The following FOXK1 variants were observed in gnomAD, a reference collection of about 807,000 sequenced individuals.
The protein encoded by FOXK1 is forkhead box K1.
Under a neutral mutation model 51.9 loss-of-function variants are expected in FOXK1, and 19 were observed. That is an observed-to-expected ratio of 0.37 (90% confidence interval 0.26 to 0.54). FOXK1 has a LOEUF of 0.54. FOXK1 is among the 20% of genes least tolerant of loss of function. FOXK1 has a pLI of 0.87. For synonymous variants in FOXK1, 537 were observed against 482.6 expected, an observed-to-expected ratio of 1.11 and a Z score of -1.48; for missense variants, 870 against 1,032.7, an observed-to-expected ratio of 0.84 and a Z score of 2.16.
At chr7:4,700,498 G>C (rs1376561832) in intron 1 of FOXK1, among the ~76,000 whole-genome samples, 1 of 152,172 alleles carries the variant, frequency 6.6e-6, no homozygotes, top group African/African-American at 2.4e-5. Context: ...AATTACTAGA[G>C]ATACATTAGA....
At chr7:4,727,905 G>A (rs1458856156) in intron 1 of FOXK1, among the ~76,000 whole-genome samples, 6 of 152,224 alleles carry the variant, frequency 3.9e-5, no homozygotes, top group South Asian at 2.1e-4. Context: ...CCCGTCCTTC[G>A]GGAGGGGAGG....
intron 2 of FOXK1, among the ~76,000 whole-genome samples, chr7:4,741,550 C>T (rs978978480): frequency 1.3e-5 from 2 of 152,132 alleles, no homozygotes; most frequent in Admixed American, 6.5e-5. Context: ...ATGCTGGTCT[C>T]GAACTCCCAA....
chr7:4,709,266 A>T lies in FOXK1; in HGVS notation c.560+26398A>T, dbSNP rs976219984. 6.6e-6 allele frequency among the ~76,000 whole-genome samples: 1 copy of T among 151,774 alleles called. No individual in the cohort carries two copies. Among genetic ancestry groups the T allele is most frequent in the Non-Finnish European group, 1.5e-5 (1 of 67,936 alleles). On this transcript the variant is annotated intron_variant, in intron 1 of 8. Coordinates refer to ENST00000328914, the MANE Select transcript of FOXK1 (RefSeq NM_001037165.2). The surrounding 1 kb of genome is among the most constrained non-coding windows in gnomAD (Gnocchi z 5.6). Reference sequence around the variant, plus strand: ...CCTGTCATCCCGAGAATCCCACTGCATGTTTTGGATCTGTCCGGGATCCCT... The same window carrying T: ...CCTGTCATCCCGAGAATCCCACTGCTTGTTTTGGATCTGTCCGGGATCCCT...
In FOXK1 at chr7:4,765,192, T is replaced by C. The variant is rs1246300030; in HGVS notation, c.*2728T>C. On this transcript the variant is annotated 3_prime_UTR_variant, in exon 9 of 9. Transcript: ENST00000328914. ...CTGCTCTGGGCTCATAACCATGAGATTTTGAAAGAGTTTTTGGTCATCTGA... is the reference window on the plus strand; with the variant it reads ...CTGCTCTGGGCTCATAACCATGAGACTTTGAAAGAGTTTTTGGTCATCTGA... 1.3e-5 allele frequency: 2 copies of C among 152,306 alleles called. No individual in the cohort carries two copies. The highest frequency in any genetic ancestry group is 2.9e-5 in the Non-Finnish European group (2 of 68,128). 9.4% of individuals were successfully genotyped at this position (152,306 alleles called of 1,614,324 possible).
chr7:4,712,885 T>C (rs1159742434), intron 1 of FOXK1, among the ~76,000 whole-genome samples: 1 of 152,210 alleles, frequency 6.6e-6, no homozygotes, highest in Non-Finnish European at 1.5e-5. Context: ...GTTCTGTTTA[T>C]TTCCAGTTGA....
chr7:4,738,949 G>GGGAAGAAGAC lies in FOXK1; in HGVS notation c.561-1887_561-1878dup, dbSNP rs199667722. 9.2e-3 allele frequency among the ~76,000 whole-genome samples: 1,398 copies of GGGAAGAAGAC among 152,256 alleles called. 26 individuals carry two copies. Among genetic ancestry groups the GGGAAGAAGAC allele is most frequent in the African/African-American group, 0.029 (1,196 of 41,550 alleles). The stretch of plus-strand genomic sequence containing the variant: ...GTCACTTCCTTTGAAGCGGGTCCCT[G>GGGAAGAAGAC]GGAAGAAGACGCAAGAGGACCCCCT... On this transcript the variant is annotated intron_variant, in intron 1 of 8. Transcript: ENST00000328914.
rs1032293601 is a variant in FOXK1, at chr7:4,759,094, C to T, written c.1288C>T (p.Arg430Cys). Reference protein sequence around the residue: ...SPTHPGLMSPRSGGLQTPECL... With the variant: ...SPTHPGLMSPCSGGLQTPECL... ...CACACACCCCGGGCTGATGTCCCCT[C>T]GCTCCGGCGGCCTGCAGACCCCAGA... Residue 430 changes from arginine (R) to cysteine (C), a missense_variant, in exon 6 of 9, where the codon CGC becomes TGC. Around this residue, in one of 3 missense-constraint regions of FOXK1, gnomAD observed 457 missense variants for 510.8 expected, o/e 0.89. Coordinates refer to ENST00000328914, the MANE Select transcript of FOXK1 (RefSeq NM_001037165.2). The T allele has an allele frequency of 6.2e-7, 1 of 1,610,634 alleles. No individual in the cohort carries two copies.
chr7:4,768,301 T>G lies in FOXK1; in HGVS notation c.*5837T>G, dbSNP rs1372374082. ...GCGCCCGCTACCACGCCCGGCTAAT[T>G]TTTTGTATTTTTAGTAGAGACGGGG... On this transcript the variant is annotated 3_prime_UTR_variant, in exon 9 of 9. Transcript: ENST00000328914. 3 of 146,380 alleles carry G rather than the reference T, an allele frequency of 2.0e-5. No homozygotes were observed. Among genetic ancestry groups the G allele is most frequent in the Admixed American group, 6.7e-5 (1 of 14,992 alleles). 9.1% of individuals were successfully genotyped at this position (146,380 alleles called of 1,614,324 possible).
rs1054470143 is a variant in FOXK1, at chr7:4,703,425, C to T, written c.560+20557C>T. Among the ~76,000 whole-genome samples the T allele has an allele frequency of 1.3e-5, 2 of 152,174 alleles. No individual in the cohort carries two copies. Among genetic ancestry groups the T allele is most frequent in the African/African-American group, 2.4e-5 (1 of 41,438 alleles). On this transcript the variant is annotated intron_variant, in intron 1 of 8. Transcript: ENST00000328914. The surrounding 1 kb of genome is among the most constrained non-coding windows in gnomAD (Gnocchi z 5.6). Reference sequence around the variant, plus strand: ...GGCCCCAAGACATGCGGAGAACCCGCGTCTGCAGGGCTGGTGGCGTCCAGC... The same window carrying T: ...GGCCCCAAGACATGCGGAGAACCCGTGTCTGCAGGGCTGGTGGCGTCCAGC...
rs1470903378 is a variant in FOXK1 at position 4,749,368 on chromosome 7, G to T, written c.747-5091G>T. ...CACAGATGTGCCTTGGCCGGCTGTT[G>T]TGTTTAACAGTGAGGTCCTAAAAAC... is the stretch of plus-strand genomic sequence containing the variant. On this transcript the variant is annotated intron_variant, in intron 2 of 8. Coordinates refer to ENST00000328914, the MANE Select transcript of FOXK1 (RefSeq NM_001037165.2). The surrounding 1 kb of genome is among the most constrained non-coding windows in gnomAD (Gnocchi z 6.0). Among the ~76,000 whole-genome samples the T allele has an allele frequency of 6.6e-6, 1 of 152,186 alleles. No homozygotes were observed. The highest frequency in any genetic ancestry group is 6.5e-5 in the Admixed American group (1 of 15,284).
chr7:4,682,301 G>T lies in FOXK1; in HGVS notation c.-8G>T. On this transcript the variant is annotated 5_prime_UTR_variant, in exon 1 of 9. Transcript: ENST00000328914. This position sits in a 1 kb window ranked among gnomAD's most constrained non-coding sequence, Gnocchi z 7.6. ...CCGCCGCCGGAGGCCGCTCGGAGCC[G>T]CGCGAACATGGCCGAAGTCGGCGAG... 2.0e-6 allele frequency: 2 copies of T among 987,364 alleles called. No individual in the cohort carries two copies. The highest frequency in any genetic ancestry group is 9.0e-5 in the South Asian group (2 of 22,346). The allele number at this position is 987,364 out of a possible 1,614,324, so 61.2% of individuals were successfully genotyped here. A position where few individuals can be genotyped will look rare whatever the true frequency, so the allele number is the denominator to read the frequency against.
In FOXK1 at chr7:4,745,191, G is replaced by A. The variant is rs1421370199; in HGVS notation, c.746+4168G>A. The stretch of plus-strand genomic sequence containing the variant: ...TGCAAGGCTGTCCCCTCCCAGTGCC[G>A]CCCCGCCCCCGCGGTGCCTGCCTTC... On this transcript the variant is annotated intron_variant, in intron 2 of 8. Transcript: ENST00000328914. This position sits in a 1 kb window ranked among gnomAD's most constrained non-coding sequence, Gnocchi z 4.3. 2.0e-5 allele frequency among the ~76,000 whole-genome samples: 3 copies of A among 152,158 alleles called. No individual in the cohort carries two copies. Among genetic ancestry groups the A allele is most frequent in the Non-Finnish European group, 4.4e-5 (3 of 68,026 alleles).
chr7:4,710,718 G>T (rs568306032), intron 1 of FOXK1, among the ~76,000 whole-genome samples: 5 of 152,264 alleles, frequency 3.3e-5, no homozygotes, highest in African/African-American at 1.2e-4. Context: ...CACATTCAGG[G>T]CGAGGGTGCG....
rs1781034507 is a variant in FOXK1 at position 4,767,682 on chromosome 7, C to T, written c.*5218C>T. The T allele has an allele frequency of 6.6e-6, 1 of 152,146 alleles. No homozygotes were observed. Among genetic ancestry groups the T allele is most frequent in the Non-Finnish European group, 1.5e-5 (1 of 68,050 alleles). The allele number at this position is 152,146 out of a possible 1,614,324, so 9.4% of individuals were successfully genotyped here. A position where few individuals can be genotyped will look rare whatever the true frequency, so the allele number is the denominator to read the frequency against. The stretch of plus-strand genomic sequence containing the variant: ...TTATTTTTAGATTGTTTTCCTGCAT[C>T]TTACAATTTCCTTTTCTTTTCAAAG... On this transcript the variant is annotated 3_prime_UTR_variant, in exon 9 of 9. Transcript: ENST00000328914. This position sits in a 1 kb window ranked among gnomAD's most constrained non-coding sequence, Gnocchi z 6.6.
In FOXK1 at chr7:4,761,081, A is replaced by C; in HGVS notation, c.1714A>C (p.Thr572Pro). The change falls in exon 8 of 9, where the codon ACC (threonine) becomes CCC (proline). Residue 572 changes from threonine (T) to proline (P), a missense_variant. Coordinates refer to ENST00000328914, the MANE Select transcript of FOXK1 (RefSeq NM_001037165.2). The surrounding 1 kb of genome is among the most constrained non-coding windows in gnomAD (Gnocchi z 6.2). ...TCCCGCAGGCCTGGAGGAGAAACCC[A>C]CCATTGCGTTTGCCACAATCCCCGC... Reference protein sequence around the residue: ...SEARGLEEKPTIAFATIPAAG... With the variant: ...SEARGLEEKPPIAFATIPAAG... 6.2e-7 allele frequency: 1 copy of C among 1,612,566 alleles called. No homozygotes were observed. Among genetic ancestry groups the C allele is most frequent in the South Asian group, 1.1e-5 (1 of 91,062 alleles).
chr7:4,713,053 C>T (rs1343923009), intron 1 of FOXK1, among the ~76,000 whole-genome samples: 1 of 152,216 alleles, frequency 6.6e-6, no homozygotes, highest in Admixed American at 6.5e-5. Flanking sequence ...AGGCCGATAA[C>T]TCCACATCTG....
intron 1 of FOXK1, among the ~76,000 whole-genome samples, chr7:4,690,131 C>T (rs546473771): frequency 4.6e-5 from 7 of 152,248 alleles, no homozygotes; most frequent in African/African-American, 1.4e-4. Flanking sequence ...GCATCAGGTC[C>T]GACTCCTGAG....
At chr7:4,736,189 TCTC>T (rs1562383476) in intron 1 of FOXK1, among the ~76,000 whole-genome samples, 1 of 152,170 alleles carries the variant, frequency 6.6e-6, no homozygotes, top group Non-Finnish European at 1.5e-5. Context: ...CATAGCATTT[TCTC>T]CTCCTCCTAG....
At chr7:4,696,080 C>T (rs1003446630) in intron 1 of FOXK1, among the ~76,000 whole-genome samples, 2 of 149,576 alleles carry the variant, frequency 1.3e-5, no homozygotes, top group Non-Finnish European at 3.0e-5. Flanking sequence ...TGCACCACTG[C>T]ACTCCAGCCT....
Sources: gnomAD v4.1 joint callset for allele counts (sites outside exome capture counted in the v4.1 genomes callset) on GRCh38, gnomAD v4.1.1 for gene constraint, gnomAD v4.1.1 regional missense constraint, Gnocchi (gnomAD v3.1) non-coding constraint, MANE v1.5 for transcripts, NCBI Gene and HGNC (gene_info 2026-07-23, HGNC 2026-07-21) for gene names.